Variants in EXOC4 observed in about 807,000 individuals in gnomAD.
The protein encoded by EXOC4 is SEC8-like 1.
In EXOC4, 71 loss-of-function variants were observed where a neutral mutation model predicts 107.2. The observed-to-expected ratio is 0.66, with a 90% CI of 0.55 to 0.81. The LOEUF (loss-of-function observed/expected upper bound fraction) is 0.81. EXOC4 is among the 30% of genes least tolerant of loss of function. EXOC4 has a pLI of 0.00. For missense variants in EXOC4, 1,108 were observed against 1,189.6 expected (o/e 0.93, Z 1.01); for synonymous variants, 456 against 441.2 (o/e 1.03, Z -0.42).
At chr7:133,310,750 TC>T (rs1429228512) in intron 4 of EXOC4, among the ~76,000 whole-genome samples, 1 of 152,204 alleles carries the variant, frequency 6.6e-6, no homozygotes, top group Non-Finnish European at 1.5e-5. Context: ...TGTCCCTGCA[TC>T]TTTCCTTTAT....
chr7:133,908,620 G>A (rs986512906), intron 12 of EXOC4, among the ~76,000 whole-genome samples: 25 of 152,188 alleles, frequency 1.6e-4, no homozygotes, highest in African/African-American at 5.1e-4. Flanking sequence ...TCAAATGGAA[G>A]TAATAATAGT....
At chr7:133,629,661 C>G (rs1265409409) in intron 9 of EXOC4, among the ~76,000 whole-genome samples, 1 of 152,028 alleles carries the variant, frequency 6.6e-6, no homozygotes, top group Non-Finnish European at 1.5e-5. Context: ...CTGCCTCAAC[C>G]TCCCAAGTAG....
At chr7:134,077,234 A>T in the EXOC4 span, among the ~76,000 whole-genome samples, 126 of 152,298 alleles carry the variant, frequency 8.3e-4, no homozygotes, top group African/African-American at 2.8e-3. Context: ...AAGAGCTCCA[A>T]TGTTTACAGA....
At chr7:133,622,938 C>CT (rs1476396663) in intron 9 of EXOC4, among the ~76,000 whole-genome samples, 5 of 152,156 alleles carry the variant, frequency 3.3e-5, no homozygotes, top group African/African-American at 1.2e-4. Flanking sequence ...TGAACCTACT[C>CT]TATGTGTGAC....
chr7:133,644,406 G>A (rs1425335746), intron 10 of EXOC4, among the ~76,000 whole-genome samples: 1 of 152,088 alleles, frequency 6.6e-6, no homozygotes. Context: ...GAATGACTGT[G>A]GTTCCCATGG....
rs117397865 is a variant in EXOC4 at position 133,266,257 on chromosome 7, C to T, written c.87-8725C>T. On this transcript the variant is annotated intron_variant, in intron 1 of 17. Transcript: ENST00000253861. ...TTTCCTTTCTTCTAAGCACATCAGT[C>T]CTTTTGGATTAAGGCCCACCCTTAT... Among the ~76,000 whole-genome samples, 156 of 152,240 alleles carry T rather than the reference C, an allele frequency of 1.0e-3. 1 individual carries two copies. In the East Asian group the frequency reaches 0.029, roughly 28 times the overall value.
chr7:133,351,838 G>GT (rs1410165109), intron 5 of EXOC4, among the ~76,000 whole-genome samples: 1 of 151,312 alleles, frequency 6.6e-6, no homozygotes, highest in East Asian at 1.9e-4. Flanking sequence ...CTTTTTTGCT[G>GT]TTTTTCCTGC....
At position 133,504,012 on chromosome 7, in the gene EXOC4, TAC is replaced by T. The variant is rs754234645; in HGVS notation, c.1417+23881_1417+23882del. Among the ~76,000 whole-genome samples the T allele has an allele frequency of 1.9e-4, 29 of 151,822 alleles. 1 individual carries two copies. Among genetic ancestry groups the T allele is most frequent in the African/African-American group, 7.0e-4 (29 of 41,312 alleles). On this transcript the variant is annotated intron_variant, in intron 9 of 17. Transcript: ENST00000253861. ...GTGTGTATATATATATATGTATACA[TAC>T]ACACACGTATACACACACACACACT...
chr7:133,587,405 G>C (rs1042981439), intron 9 of EXOC4, among the ~76,000 whole-genome samples: 1 of 152,174 alleles, frequency 6.6e-6, no homozygotes, highest in African/African-American at 2.4e-5. Flanking sequence ...TAGTGTCTTT[G>C]AGTTTCATAA....
At chr7:134,050,393 A>G (rs1480859807) in intron 17 of EXOC4, among the ~76,000 whole-genome samples, 1 of 152,214 alleles carries the variant, frequency 6.6e-6, no homozygotes, top group Non-Finnish European at 1.5e-5. Flanking sequence ...CTGAAGGCTT[A>G]CAGGTTAAAT....
At chr7:133,299,994 A>G (rs1257081518) in intron 3 of EXOC4, among the ~76,000 whole-genome samples, 2 of 152,214 alleles carry the variant, frequency 1.3e-5, no homozygotes, top group African/African-American at 2.4e-5. Flanking sequence ...AAATAAAAAC[A>G]TGCAGTAACC....
At chr7:133,353,042 A>T (rs1281913473) in intron 5 of EXOC4, among the ~76,000 whole-genome samples, 1 of 152,090 alleles carries the variant, frequency 6.6e-6, no homozygotes, top group Non-Finnish European at 1.5e-5. Context: ...CTCTTAAATG[A>T]TGTAAAAAAC....
At chr7:133,474,470 G>GC (rs1798960605) in intron 7 of EXOC4, among the ~76,000 whole-genome samples, 1 of 146,598 alleles carries the variant, frequency 6.8e-6, no homozygotes, top group Non-Finnish European at 1.5e-5. Context: ...ATCATGCCCA[G>GC]CCAATTTTTT....
chr7:133,414,919 C>G (rs912529962), intron 7 of EXOC4, among the ~76,000 whole-genome samples: 3 of 152,098 alleles, frequency 2.0e-5, no homozygotes, highest in African/African-American at 7.2e-5. Context: ...GCCATCAGCC[C>G]CCTACCCCCA....
chr7:133,890,417 C>T (rs1192671077), intron 11 of EXOC4, among the ~76,000 whole-genome samples: 4 of 73,142 alleles, frequency 5.5e-5, no homozygotes, highest in Non-Finnish European at 9.3e-5. Context: ...TGCAGAAGCT[C>T]TTGAGTTTAA....
chr7:134,021,088 G>C (rs1412155957), intron 17 of EXOC4, among the ~76,000 whole-genome samples: 1 of 152,134 alleles, frequency 6.6e-6, no homozygotes, highest in African/African-American at 2.4e-5. Flanking sequence ...AGAGCGGTTT[G>C]AGAGATCTAG....
intron 10 of EXOC4, among the ~76,000 whole-genome samples, chr7:133,754,424 G>A (rs999265072): frequency 6.6e-6 from 1 of 152,196 alleles, no homozygotes; most frequent in African/African-American, 2.4e-5. Context: ...AAGGTTTATG[G>A]AAGGGAGTTG....
chr7:133,804,929 A>G (rs1797038043), intron 10 of EXOC4, among the ~76,000 whole-genome samples: 1 of 152,132 alleles, frequency 6.6e-6, no homozygotes, highest in Non-Finnish European at 1.5e-5. Flanking sequence ...TAATCTGTAT[A>G]TTGTATCCGC....
chr7:133,383,761 G>A (rs1258717379), intron 7 of EXOC4, among the ~76,000 whole-genome samples: 2 of 152,044 alleles, frequency 1.3e-5, no homozygotes, highest in East Asian at 3.9e-4. Context: ...AGTATTTCAG[G>A]CCAGAAAACG....
Sources: allele counts gnomAD v4.1 joint callset (sites outside exome capture counted in the v4.1 genomes callset), GRCh38; gene constraint gnomAD v4.1.1; transcripts MANE v1.5; gene names NCBI Gene and HGNC (gene_info 2026-07-23, HGNC 2026-07-21).